The following CNTNAP2 variants were observed in gnomAD, a reference collection of about 807,000 sequenced individuals.
CNTNAP2 encodes the protein contactin associated protein 2, also known as contactin-associated protein-like 2.
A neutral mutation model predicts 155.2 loss-of-function variants in CNTNAP2; 98 were observed. The ratio of observed to expected loss-of-function variants is 0.63; its 90% confidence interval spans 0.54 to 0.75. CNTNAP2 has a LOEUF of 0.75. Ranked by LOEUF, CNTNAP2 falls within the 30% of genes least tolerant of loss-of-function variation. The probability of loss-of-function intolerance (pLI) is 0.00; values close to 1 mark genes in which losing one functional copy is unlikely to be tolerated. For missense variants in CNTNAP2, 1,727 were observed against 1,688.1 expected, an observed-to-expected ratio of 1.02 and a Z score of -0.40; for synonymous variants, 651 against 631.2, an observed-to-expected ratio of 1.03 and a Z score of -0.47.
chr7:147,569,480 T>C (rs979991151), intron 12 of CNTNAP2, among the ~76,000 whole-genome samples: 3 of 152,208 alleles, frequency 2.0e-5, no homozygotes, highest in Admixed American at 2.0e-4. Context: ...AAGATTATAA[T>C]GGTGTATGTT....
intron 13 of CNTNAP2, 122 bp from the exon 14 acceptor site, chr7:147,903,442 CT>C: frequency 9.3e-7 from 1 of 1,071,790 alleles, no homozygotes. Flanking sequence ...AATAAATTGA[CT>C]TTTAAGAGGG....
Position 147,274,976 on chromosome 7 carries a change from T to C in CNTNAP2, c.1349-25165T>C, listed in dbSNP as rs1398268203. ...GTTGATTTTGTCACAGATCTCTTGG[T>C]TGTGTGTGGCTTTATTTCTGAATCC... is the stretch of plus-strand genomic sequence containing the variant. On this transcript the variant is annotated intron_variant, in intron 8 of 23. Transcript: ENST00000361727. 1.3e-5 allele frequency among the ~76,000 whole-genome samples: 2 copies of C among 152,048 alleles called. 1 individual carries two copies. Among genetic ancestry groups the C allele is most frequent in the African/African-American group, 4.8e-5 (2 of 41,418 alleles).
chr7:148,177,270 TA>T (rs1794954158), intron 18 of CNTNAP2, among the ~76,000 whole-genome samples: 1 of 152,138 alleles, frequency 6.6e-6, no homozygotes. Context: ...AGGTTGGCCC[TA>T]AATCCAATGA....
At chr7:147,345,495 CT>C (rs1459495328) in intron 9 of CNTNAP2, among the ~76,000 whole-genome samples, 2 of 152,114 alleles carry the variant, frequency 1.3e-5, no homozygotes, top group Non-Finnish European at 2.9e-5. Context: ...TTTTCCCTTA[CT>C]TTTTTGTTGA....
At chr7:148,116,362 G>A (rs1314435983) in intron 15 of CNTNAP2, among the ~76,000 whole-genome samples, 11 of 152,080 alleles carry the variant, frequency 7.2e-5, no homozygotes, top group African/African-American at 1.7e-4. Context: ...ATACTGAAAC[G>A]AAACTAAGCT....
At chr7:146,296,848 G>A (rs1438487012) in intron 1 of CNTNAP2, among the ~76,000 whole-genome samples, 2 of 151,960 alleles carry the variant, frequency 1.3e-5, no homozygotes, top group South Asian at 2.1e-4. Context: ...ATATATGTAT[G>A]AAGACTTAAA....
At chr7:147,041,254 G>T (rs996904512) in intron 3 of CNTNAP2, among the ~76,000 whole-genome samples, 14 of 151,968 alleles carry the variant, frequency 9.2e-5, no homozygotes, top group African/African-American at 2.9e-4. Context: ...CCTATTCCTT[G>T]TGTATTCCTG....
intron 3 of CNTNAP2, among the ~76,000 whole-genome samples, chr7:146,941,779 AT>A (rs58860898): frequency 2.6e-4 from 38 of 146,108 alleles, no homozygotes; most frequent in East Asian, 4.0e-4. Context: ...TGGTTGACAG[AT>A]TTTTTTTTTT....
At chr7:148,175,750 T>C (rs1794923426) in intron 18 of CNTNAP2, among the ~76,000 whole-genome samples, 1 of 152,098 alleles carries the variant, frequency 6.6e-6, no homozygotes, top group Non-Finnish European at 1.5e-5. Flanking sequence ...GTCTCACCCC[T>C]GTATATTATT....
intron 3 of CNTNAP2, among the ~76,000 whole-genome samples, chr7:146,961,239 C>A (rs1797553230): frequency 6.6e-6 from 1 of 152,130 alleles, no homozygotes; most frequent in African/African-American, 2.4e-5. Flanking sequence ...CTAGTAGTGA[C>A]CCCTGCAGGC....
intron 13 of CNTNAP2, among the ~76,000 whole-genome samples, chr7:147,739,682 G>A (rs1411076034): frequency 2.0e-5 from 3 of 151,808 alleles, no homozygotes; most frequent in African/African-American, 7.3e-5. Context: ...AGGAAAATGT[G>A]GATAGTGTGT....
At chr7:146,218,540 CA>C (rs78215145) in intron 1 of CNTNAP2, among the ~76,000 whole-genome samples, 4 of 151,098 alleles carry the variant, frequency 2.6e-5, no homozygotes, top group African/African-American at 7.3e-5. Flanking sequence ...AACAAACAAA[CA>C]AAAAAAATTG....
At chr7:147,566,809 A>G (rs1800182116) in intron 12 of CNTNAP2, among the ~76,000 whole-genome samples, 1 of 152,112 alleles carries the variant, frequency 6.6e-6, no homozygotes, top group South Asian at 2.1e-4. Flanking sequence ...ATAATTCAAT[A>G]GAGAGAGATT....
chr7:148,325,411 T>G (rs1031098844), intron 21 of CNTNAP2, among the ~76,000 whole-genome samples: 72 of 152,234 alleles, frequency 4.7e-4, no homozygotes, highest in African/African-American at 1.7e-3. Context: ...TTTGTCTAAC[T>G]TAAGAACGTG....
intron 1 of CNTNAP2, among the ~76,000 whole-genome samples, chr7:146,600,198 C>T (rs578236991): frequency 6.2e-4 from 94 of 152,172 alleles, no homozygotes; most frequent in African/African-American, 2.2e-3. Flanking sequence ...GAAGGCTAAT[C>T]CTAGGGCACC....
chr7:146,847,438 C>T (rs1479062796), intron 3 of CNTNAP2, among the ~76,000 whole-genome samples: 1 of 152,094 alleles, frequency 6.6e-6, no homozygotes, highest in Admixed American at 6.5e-5. Context: ...AAGTTCCCAA[C>T]CTGTAAAATG....
At chr7:146,672,909 T>C (rs1800333952) in intron 1 of CNTNAP2, among the ~76,000 whole-genome samples, 1 of 152,216 alleles carries the variant, frequency 6.6e-6, no homozygotes, top group Non-Finnish European at 1.5e-5. Flanking sequence ...GCTTTGATTT[T>C]ATTTTGTAAC....
intron 15 of CNTNAP2, among the ~76,000 whole-genome samples, chr7:148,069,296 T>G (rs1803332575): frequency 6.6e-6 from 1 of 152,200 alleles, no homozygotes; most frequent in African/African-American, 2.4e-5. Context: ...TGTATGCAAA[T>G]GCTCCTAAGG....
intron 21 of CNTNAP2, among the ~76,000 whole-genome samples, chr7:148,267,645 A>C (rs1796695682): frequency 7.6e-6 from 1 of 131,576 alleles, no homozygotes; most frequent in South Asian, 2.4e-4. Flanking sequence ...GCAGAGCGAG[A>C]CTCTGTCTCA....
Sources: gnomAD v4.1 joint callset for allele counts (sites outside exome capture counted in the v4.1 genomes callset) on GRCh38, gnomAD v4.1.1 for gene constraint, MANE v1.5 for transcripts, NCBI Gene and HGNC (gene_info 2026-07-23, HGNC 2026-07-21) for gene names.